The following EEF2K variants were observed in gnomAD, a reference collection of about 807,000 sequenced individuals.
EEF2K encodes the protein eukaryotic elongation factor 2 kinase.
In EEF2K, 70 loss-of-function variants were observed where a neutral mutation model predicts 93.8. The observed-to-expected ratio is 0.75, with a 90% CI of 0.62 to 0.91. The LOEUF is 0.91. Ranked by LOEUF, EEF2K falls within the 40% of genes least tolerant of loss-of-function variation. EEF2K has a pLI of 0.00. For synonymous variants in EEF2K, 376 were observed against 380.8 expected (o/e 0.99, Z 0.15); for missense variants, 935 against 972.9 (o/e 0.96, Z 0.52).
At chr16:22,251,370 C>A in intron 6 of EEF2K, 48 bp downstream of exon 6, 1 of 1,599,838 alleles carries the variant, frequency 6.3e-7, no homozygotes, top group Non-Finnish European at 8.5e-7. Flanking sequence ...GGCAGCTGGG[C>A]ACAGTGTCTG....
intron 2 of EEF2K, among the ~76,000 whole-genome samples, chr16:22,236,132 G>C (rs1205825959): frequency 6.6e-6 from 1 of 152,012 alleles, no homozygotes; most frequent in African/African-American, 2.4e-5. Flanking sequence ...TTCCATGCTG[G>C]GTTCCACTGA....
At chr16:22,256,108 T>C (rs184043980) in intron 6 of EEF2K, among the ~76,000 whole-genome samples, 102 of 152,098 alleles carry the variant, frequency 6.7e-4, no homozygotes, top group African/African-American at 2.3e-3. Context: ...TATTAATTTT[T>C]TTTTTGAGAC....
intron 6 of EEF2K, among the ~76,000 whole-genome samples, chr16:22,255,603 G>T (rs995388096): frequency 5.9e-5 from 9 of 152,286 alleles, no homozygotes; most frequent in Admixed American, 5.9e-4. Flanking sequence ...AAAACTCAAA[G>T]GAAAACAGAG....
At chr16:22,219,464 C>T (rs2046991577) in intron 1 of EEF2K, among the ~76,000 whole-genome samples, 1 of 152,010 alleles carries the variant, frequency 6.6e-6, no homozygotes, top group Non-Finnish European at 1.5e-5. Context: ...AACTGTGTCT[C>T]TACAAAAATA....
At chr16:22,211,620 A>C (rs1468139850) in intron 1 of EEF2K, among the ~76,000 whole-genome samples, 3 of 151,744 alleles carry the variant, frequency 2.0e-5, no homozygotes, top group Non-Finnish European at 4.4e-5. Flanking sequence ...GTGCCACCAC[A>C]CCTGGCTAAT....
chr16:22,262,001 C>CCACACACACACACACACACA (rs71151667), intron 11 of EEF2K, among the ~76,000 whole-genome samples: 28 of 138,112 alleles, frequency 2.0e-4, no homozygotes, highest in African/African-American at 5.9e-4. Flanking sequence ...TGAGACCCTG[C>CCACACACACACACACACACA]CACACACACA....
At chr16:22,237,047 C>A (rs137863186) in intron 2 of EEF2K, among the ~76,000 whole-genome samples, 1 of 143,224 alleles carries the variant, frequency 7.0e-6, no homozygotes, top group Non-Finnish European at 1.5e-5. Flanking sequence ...TGGGTTCAAG[C>A]GATTCTCATG....
chr16:22,252,664 T>C lies in EEF2K; in HGVS notation c.618+1342T>C, dbSNP rs551609608. On this transcript the variant is annotated intron_variant, in intron 6 of 17. Transcript: ENST00000263026. ...AAAAAGCGGAAGAAAGAGCTGGGAA[T>C]GTATATTAGTCCGTTTTCACACTTC... 3.3e-5 allele frequency among the ~76,000 whole-genome samples: 5 copies of C among 152,268 alleles called. No individual in the cohort carries two copies. In the South Asian group the frequency reaches 1.0e-3, roughly 32 times the overall value.
chr16:22,208,053 A>G (rs952776404), intron 1 of EEF2K, among the ~76,000 whole-genome samples: 2 of 152,208 alleles, frequency 1.3e-5, no homozygotes, highest in African/African-American at 2.4e-5. Context: ...TCTCAAGGAC[A>G]TGAATTTCAG....
chr16:22,234,098 A>C (rs2047142794), intron 2 of EEF2K, among the ~76,000 whole-genome samples: 1 of 152,114 alleles, frequency 6.6e-6, no homozygotes, highest in Non-Finnish European at 1.5e-5. Flanking sequence ...GACCCCCCCC[A>C]GAGGTGAACT....
In EEF2K at chr16:22,256,827, A is replaced by G; in HGVS notation, c.698A>G (p.Glu233Gly). 1.2e-6 allele frequency: 2 copies of G among 1,614,188 alleles called. No homozygotes were observed. The highest frequency in any genetic ancestry group is 1.7e-6 in the Non-Finnish European group (2 of 1,180,034). Residue 233 changes from glutamate (E) to glycine (G), a missense_variant, in exon 7 of 18, where the codon GAG (glutamate) becomes GGG (glycine). Glu to Gly is a moderately conservative substitution (Grantham distance 98). Coordinates refer to ENST00000263026, the MANE Select transcript of EEF2K (RefSeq NM_013302.5). ...KPLFHLEHYIEGKYIKYNSNS... is the reference protein window; with the variant it reads ...KPLFHLEHYIGGKYIKYNSNS... ...CTCTTCCACCTGGAGCACTACATCGAGGGCAAGTACATCAAGTACAACTCC... is the reference window on the plus strand; with the variant it reads ...CTCTTCCACCTGGAGCACTACATCGGGGGCAAGTACATCAAGTACAACTCC...
intron 2 of EEF2K, among the ~76,000 whole-genome samples, chr16:22,229,295 T>C (rs767392833): frequency 2.0e-5 from 3 of 152,238 alleles, no homozygotes; most frequent in Non-Finnish European, 4.4e-5. Context: ...ATCCTTCATG[T>C]TGGTTATCGT....
chr16:22,217,394 A>C (rs990213989), intron 1 of EEF2K, among the ~76,000 whole-genome samples: 1 of 151,958 alleles, frequency 6.6e-6, no homozygotes, highest in African/African-American at 2.4e-5. Context: ...CTAGTAAGAA[A>C]AAGGTGTTTA....
intron 17 of EEF2K, among the ~76,000 whole-genome samples, chr16:22,281,596 C>T (rs1445225419): frequency 6.6e-6 from 1 of 152,144 alleles, no homozygotes; most frequent in Non-Finnish European, 1.5e-5. Flanking sequence ...TATGTAATTC[C>T]AGAACATTTC....
rs761148981 is a variant in EEF2K, at chr16:22,283,929, T to C, written c.2111T>C (p.Met704Thr). 11 of 1,600,804 alleles carry C rather than the reference T, an allele frequency of 6.9e-6. No homozygotes were observed. The highest frequency in any genetic ancestry group is 9.4e-6 in the Non-Finnish European group (11 of 1,174,074). ...GCAGCAGAGGCAGCGATGGAAGCCATGAAGGGCCGACTGGCCAACCAGTAC... is the reference window on the plus strand; with the variant it reads ...GCAGCAGAGGCAGCGATGGAAGCCACGAAGGGCCGACTGGCCAACCAGTAC... ...TQAAEAAMEA[M>T]KGRLANQYYQ... Residue 704 changes from methionine (M) to threonine (T), a missense_variant, in exon 18 of 18, where the codon ATG becomes ACG. Transcript: ENST00000263026.
At chr16:22,213,597 C>G (rs1201863467) in intron 1 of EEF2K, among the ~76,000 whole-genome samples, 1 of 152,232 alleles carries the variant, frequency 6.6e-6, no homozygotes, top group African/African-American at 2.4e-5. Flanking sequence ...GGCTTTAAAA[C>G]AACACATTTA....
chr16:22,225,357 G>A lies in EEF2K; in HGVS notation c.-76-297G>A, dbSNP rs1598167212. On this transcript the variant is annotated intron_variant, in intron 1 of 17. Transcript: ENST00000263026. The stretch of plus-strand genomic sequence containing the variant: ...AGGGGTGGGCGTTAAGCAGAGGAGT[G>A]CCTCGATCTAATTGATGTGCTAAAA... Among the ~76,000 whole-genome samples the A allele has an allele frequency of 2.0e-5, 3 of 152,300 alleles. No homozygotes were observed. In the South Asian group the frequency reaches 6.2e-4, roughly 32 times the overall value.
intron 12 of EEF2K, 133 bp from the exon 13 acceptor site, chr16:22,264,685 C>G (rs2047500016): frequency 2.3e-6 from 2 of 860,998 alleles, no homozygotes; most frequent in African/African-American, 1.7e-5. Flanking sequence ...GAACATAGGG[C>G]CAATTTTCTG....
intron 12 of EEF2K, 96 bp from the exon 13 acceptor site, chr16:22,264,722 G>A (rs2047500224): frequency 3.5e-6 from 5 of 1,435,060 alleles, no homozygotes; most frequent in Non-Finnish European, 4.8e-6. Flanking sequence ...GGAGGGCCAG[G>A]CTGGTTCCAG....
Sources: allele counts gnomAD v4.1 joint callset (sites outside exome capture counted in the v4.1 genomes callset), GRCh38; gene constraint gnomAD v4.1.1; transcripts MANE v1.5; gene names NCBI Gene and HGNC (gene_info 2026-07-23, HGNC 2026-07-21).